NUBP1: variants seen among roughly 807,000 people sequenced by gnomAD.
The protein encoded by NUBP1 is NUBP iron-sulfur cluster assembly factor 1, cytosolic, also known as cytosolic Fe-S cluster assembly factor NUBP1.
Under a neutral mutation model 41.8 loss-of-function variants are expected in NUBP1, and 46 were observed. The ratio of observed to expected loss-of-function variants is 1.10; its 90% CI spans 0.87 to 1.41. The LOEUF (loss-of-function observed/expected upper bound fraction) is 1.41. Ranked by LOEUF, NUBP1 falls within the 40% of genes most tolerant of loss-of-function variation. The pLI is 0.00. For synonymous variants in NUBP1, 189 were observed against 154.6 expected (o/e 1.22, Z -1.65); for missense variants, 494 against 414.0 (o/e 1.19, Z -1.68).
chr16:10,759,683 G>A lies in NUBP1; in HGVS notation c.606+1656G>A, dbSNP rs1900806894. Among the ~76,000 whole-genome samples, 1 of 152,192 alleles carries A rather than the reference G, an allele frequency of 6.6e-6. No individual in the cohort carries two copies. The highest frequency in any genetic ancestry group is 6.5e-5 in the Admixed American group (1 of 15,284). On this transcript the variant is annotated intron_variant, in intron 7 of 10. Coordinates refer to ENST00000283027, the MANE Select transcript of NUBP1 (RefSeq NM_002484.4). The surrounding 1 kb of genome is among the most constrained non-coding windows in gnomAD (Gnocchi z 4.7). The stretch of plus-strand genomic sequence containing the variant: ...CCCAGCTACTTGGGAGGCTGAGGTG[G>A]GAGAAGTGCTTGAATCCAGGAGACA...
At chr16:10,763,239 C>T (rs2030284402) in intron 9 of NUBP1, among the ~76,000 whole-genome samples, 1 of 151,974 alleles carries the variant, frequency 6.6e-6, no homozygotes, top group Non-Finnish European at 1.5e-5. Flanking sequence ...TGGTTCATGT[C>T]CGTGCAGTTG....
At position 10,758,037 on chromosome 16, in the gene NUBP1, C is replaced by G. The variant is rs1445834789; in HGVS notation, c.606+10C>G. ...CATCACCACTCCCCAGGTGAGCGAG[C>G]TGCCAGCTGGAGCTGGGTCCAAACT... On this transcript the variant is annotated intron_variant, in intron 7 of 10. Coordinates refer to ENST00000283027, the MANE Select transcript of NUBP1 (RefSeq NM_002484.4). The G allele has an allele frequency of 1.2e-6, 2 of 1,610,810 alleles. No individual in the cohort carries two copies. Among genetic ancestry groups the G allele is most frequent in the Middle Eastern group, 1.7e-4 (1 of 6,018 alleles).
chr16:10,762,116 G>A, intron 9 of NUBP1: 1 of 359,810 alleles, frequency 2.8e-6, no homozygotes, highest in Non-Finnish European at 5.1e-6. Context: ...AGAGGTTGGT[G>A]AGGGTGGTGG....
rs772660772 is a variant in NUBP1, at chr16:10,768,848, C to T, written c.905-199C>T. The T allele has an allele frequency of 3.7e-6, 2 of 535,500 alleles. No individual in the cohort carries two copies. Among genetic ancestry groups the T allele is most frequent in the Non-Finnish European group, 6.6e-6 (2 of 300,848 alleles). 33.2% of individuals were successfully genotyped at this position (535,500 alleles called of 1,614,324 possible). ...TAGATGGTCCGAGGAAGGCCGCAGC[C>T]ACTGGTTATGAGCAAGATGGGTAGT... On this transcript the variant is annotated intron_variant, in intron 10 of 10. Coordinates refer to ENST00000283027, the MANE Select transcript of NUBP1 (RefSeq NM_002484.4). The surrounding 1 kb of genome is among the most constrained non-coding windows in gnomAD (Gnocchi z 4.3).
chr16:10,747,315 C>G (rs780021887), intron 3 of NUBP1, 39 bp downstream of exon 3: 4 of 1,606,132 alleles, frequency 2.5e-6, no homozygotes, highest in Non-Finnish European at 3.4e-6. Context: ...CTCATTTTGT[C>G]TGAGGGTCGT....
At chr16:10,763,314 G>T (rs531778341) in intron 9 of NUBP1, among the ~76,000 whole-genome samples, 4 of 152,184 alleles carry the variant, frequency 2.6e-5, no homozygotes, top group African/African-American at 9.6e-5. Flanking sequence ...GGAGCCAGGA[G>T]GACAGTGTTG....
intron 9 of NUBP1, among the ~76,000 whole-genome samples, chr16:10,762,958 C>G (rs1051340757): frequency 6.6e-6 from 1 of 151,376 alleles, no homozygotes; most frequent in East Asian, 1.9e-4. Context: ...ACAGGAGGCT[C>G]AGGAGTGGCT....
At chr16:10,760,769 C>G (rs1900894078) in intron 7 of NUBP1, 1 of 152,196 alleles carries the variant, frequency 6.6e-6, no homozygotes, top group Non-Finnish European at 1.5e-5. Context: ...AGGTTGATTT[C>G]TTGCTATTTG....
At chr16:10,761,335 T>C in intron 7 of NUBP1, 29 bp from the exon 8 acceptor site, 2 of 1,601,712 alleles carry the variant, frequency 1.2e-6, no homozygotes, top group South Asian at 1.1e-5. Flanking sequence ...ACTTTGATGC[T>C]GGAATCACTG....
intron 3 of NUBP1, among the ~76,000 whole-genome samples, chr16:10,750,543 C>T (rs757541433): frequency 6.6e-6 from 1 of 152,248 alleles, no homozygotes; most frequent in Non-Finnish European, 1.5e-5. Context: ...CACCCAGCCA[C>T]CATAAATTAA....
chr16:10,755,264 G>A (rs529600893), intron 4 of NUBP1, among the ~76,000 whole-genome samples: 1 of 152,290 alleles, frequency 6.6e-6, no homozygotes, highest in African/African-American at 2.4e-5. Flanking sequence ...TGTTGCCCCA[G>A]GAAGCTCCCC....
intron 4 of NUBP1, among the ~76,000 whole-genome samples, chr16:10,754,375 T>G (rs1427681107): frequency 6.6e-6 from 1 of 152,088 alleles, no homozygotes; most frequent in Non-Finnish European, 1.5e-5. Context: ...CCTGAATAGC[T>G]GGCATTACAG....
At position 10,749,301 on chromosome 16, in the gene NUBP1, G is replaced by A. The variant is rs973678944; in HGVS notation, c.258+2025G>A. Among the ~76,000 whole-genome samples, 2 of 152,070 alleles carry A rather than the reference G, an allele frequency of 1.3e-5. No individual in the cohort carries two copies. Among genetic ancestry groups the A allele is most frequent in the Non-Finnish European group, 2.9e-5 (2 of 68,018 alleles). ...TCGTTTAGAAGAATCTTTGCTTTTC[G>A]AAGCTGTCAGGAATATTCCTAAACA... is the stretch of plus-strand genomic sequence containing the variant. On this transcript the variant is annotated intron_variant, in intron 3 of 10. Transcript: ENST00000283027. The surrounding 1 kb of genome is among the most constrained non-coding windows in gnomAD (Gnocchi z 4.1).
rs1282670149 is a variant in NUBP1 at position 10,744,010 on chromosome 16, G to A, written c.69G>A (p.Gln23=). 1 of 1,581,990 alleles carries A rather than the reference G, an allele frequency of 6.3e-7. No individual in the cohort carries two copies. Among genetic ancestry groups the A allele is most frequent in the Non-Finnish European group, 8.5e-7 (1 of 1,169,804 alleles). ...AGGCGGGCAGAGGGGCTTCATGTCA[G>A]GGATGCCCCAACCAGCGGCTGTGCG... The part of the protein sequence containing the change: ...SAQAGRGASC[Q]GCPNQRLCAS... Residue 23 remains glutamine, a synonymous_variant, in exon 2 of 11, where the codon CAG becomes CAA. Coordinates refer to ENST00000283027, the MANE Select transcript of NUBP1 (RefSeq NM_002484.4).
At chr16:10,746,825 G>C (rs572818553) in intron 2 of NUBP1, among the ~76,000 whole-genome samples, 104 of 152,296 alleles carry the variant, frequency 6.8e-4, no homozygotes, top group Non-Finnish European at 1.3e-3. Context: ...GACCATTGCT[G>C]TTTGCAAAGT....
chr16:10,750,486 C>G (rs1900269659), intron 3 of NUBP1, among the ~76,000 whole-genome samples: 1 of 152,160 alleles, frequency 6.6e-6, no homozygotes, highest in East Asian at 1.9e-4. Flanking sequence ...AGGTGATCCG[C>G]CTGCCTCAAC....
Position 10,765,461 on chromosome 16 carries a change from T to C in NUBP1, c.821-2488T>C, listed in dbSNP as rs1003458390. ...AGGTTGAGGTTGCAGTGAGCCATGA[T>C]CACACCACTGCACTCCAGCCTGGGC... is the stretch of plus-strand genomic sequence containing the variant. On this transcript the variant is annotated intron_variant, in intron 9 of 10. Transcript: ENST00000283027. The surrounding 1 kb of genome is among the most constrained non-coding windows in gnomAD (Gnocchi z 4.0). Among the ~76,000 whole-genome samples, 2 of 151,690 alleles carry C rather than the reference T, an allele frequency of 1.3e-5. No individual in the cohort carries two copies. Among genetic ancestry groups the C allele is most frequent in the Non-Finnish European group, 2.9e-5 (2 of 67,982 alleles).
At chr16:10,747,504 G>A (rs1316808789) in intron 3 of NUBP1, among the ~76,000 whole-genome samples, 2 of 152,228 alleles carry the variant, frequency 1.3e-5, no homozygotes, top group Non-Finnish European at 2.9e-5. Flanking sequence ...GCGTGGTAGC[G>A]CAGGCTTGTA....
In NUBP1 at chr16:10,769,123, G is replaced by A. The variant is rs1309013765; in HGVS notation, c.*18G>A. The A allele has an allele frequency of 1.2e-6, 2 of 1,613,156 alleles. No homozygotes were observed. The highest frequency in any genetic ancestry group is 3.3e-5 in the Admixed American group (2 of 60,000). On this transcript the variant is annotated 3_prime_UTR_variant, in exon 11 of 11. Transcript: ENST00000283027. The stretch of plus-strand genomic sequence containing the variant: ...GTTCCTGAAACGAGAGAATGTTCAG[G>A]ACCAAGCAGTTACCGAGCGAGGCAC...
Sources: gnomAD v4.1 joint callset for allele counts (sites outside exome capture counted in the v4.1 genomes callset) on GRCh38, gnomAD v4.1.1 for gene constraint, Gnocchi (gnomAD v3.1) non-coding constraint, MANE v1.5 for transcripts, NCBI Gene and HGNC (gene_info 2026-07-23, HGNC 2026-07-21) for gene names.